The following CTTN variants were observed in gnomAD, a reference collection of about 807,000 sequenced individuals.
CTTN encodes the protein src substrate cortactin.
In CTTN, 28 loss-of-function variants were observed where a neutral mutation model predicts 84.0. That is an observed-to-expected ratio of 0.33 (90% CI 0.25 to 0.46). The LOEUF is 0.46. CTTN is among the 20% of genes least tolerant of loss of function. The pLI is 1.00. For missense variants in CTTN, 641 were observed against 723.8 expected (o/e 0.89, Z 1.31); for synonymous variants, 301 against 288.8 (o/e 1.04, Z -0.43).
intron 2 of CTTN, among the ~76,000 whole-genome samples, chr11:70,405,689 G>A (rs561147158): frequency 4.7e-4 from 70 of 150,408 alleles, no homozygotes; most frequent in Non-Finnish European, 7.7e-4. Flanking sequence ...TGCCCACCCC[G>A]CTCGCTGGTG....
At chr11:70,418,376 G>A (rs569573482) in intron 8 of CTTN, among the ~76,000 whole-genome samples, 17 of 152,244 alleles carry the variant, frequency 1.1e-4, no homozygotes, top group African/African-American at 3.9e-4. Flanking sequence ...TGTGAGCAGC[G>A]CATGCTCCGC....
rs1178217819 is a variant in CTTN, at chr11:70,421,773, C to T, written c.901+193C>T. 3 of 587,970 alleles carry T rather than the reference C, an allele frequency of 5.1e-6. No homozygotes were observed. In the South Asian group the frequency reaches 6.0e-5, roughly 12 times the overall value. 36.4% of individuals were successfully genotyped at this position (587,970 alleles called of 1,614,324 possible). On this transcript the variant is annotated intron_variant, in intron 11 of 17. Coordinates refer to ENST00000301843, the MANE Select transcript of CTTN (RefSeq NM_005231.4). ...CTGATTTTGAGTGGTTCACTTTCTT[C>T]CCTGTGAACTTGTGATCTGTGTATG... is the stretch of plus-strand genomic sequence containing the variant.
At position 70,420,506 on chromosome 11, in the gene CTTN, A is replaced by G. The variant is rs764876971; in HGVS notation, c.786A>G (p.Gln262=). ...HQEKLQLHES[Q]KDYKTGFGGK... is the part of the protein sequence containing the mutation. ...AGAAATTGCAGCTGCATGAATCCCA[A>G]AAAGGTACATTCACTCTGCCTGTAT... Residue 262 remains glutamine (Q), a synonymous_variant, in exon 10 of 18, where the codon CAA becomes CAG. Transcript: ENST00000301843. The G allele has an allele frequency of 2.2e-5, 35 of 1,611,022 alleles. No homozygotes were observed. In the Admixed American group the frequency reaches 4.0e-4, roughly 18 times the overall value.
intron 1 of CTTN, among the ~76,000 whole-genome samples, chr11:70,404,108 T>C (rs978391745): frequency 6.6e-6 from 1 of 152,166 alleles, no homozygotes; most frequent in Non-Finnish European, 1.5e-5. Flanking sequence ...GTAACCAGAA[T>C]GTAGCAAGCA....
chr11:70,430,456 C>T (rs1257216535), intron 14 of CTTN, among the ~76,000 whole-genome samples: 1 of 152,156 alleles, frequency 6.6e-6, no homozygotes, highest in Non-Finnish European at 1.5e-5. Context: ...TTCCCATCTC[C>T]AGCCTCTGCT....
At chr11:70,431,436 G>A (rs185402524) in intron 15 of CTTN, among the ~76,000 whole-genome samples, 156 bp downstream of exon 15, 10 of 152,146 alleles carry the variant, frequency 6.6e-5, no homozygotes, top group Non-Finnish European at 1.3e-4. Context: ...GGCCAGGAGC[G>A]CCTGGGGGGT....
chr11:70,431,306 G>T (rs779415103), intron 15 of CTTN, 26 bp downstream of exon 15: 1 of 1,609,068 alleles, frequency 6.2e-7, no homozygotes, highest in Non-Finnish European at 8.5e-7. Context: ...GTTTGAATGA[G>T]CGTGAGTGAC....
At chr11:70,412,109 G>C (rs2058102396) in intron 5 of CTTN, among the ~76,000 whole-genome samples, 1 of 152,176 alleles carries the variant, frequency 6.6e-6, no homozygotes, top group Non-Finnish European at 1.5e-5. Flanking sequence ...GCTCAGGTCA[G>C]CACCATGGGA....
In CTTN at chr11:70,436,148, C is replaced by A. The variant is rs994082978; in HGVS notation, c.*986C>A. The A allele has an allele frequency of 6.9e-7, 1 of 1,449,436 alleles. No individual in the cohort carries two copies. The highest frequency in any genetic ancestry group is 1.4e-5 in the African/African-American group (1 of 70,230). 89.8% of individuals were successfully genotyped at this position (1,449,436 alleles called of 1,614,324 possible). A position where few individuals can be genotyped will look rare whatever the true frequency, so the allele number is the denominator to read the frequency against. ...GGGTGTAGTATTTTTGCCAAAATAT[C>A]ATGTTCAATTTCAGTAGTTTGATCA... On this transcript the variant is annotated 3_prime_UTR_variant, in exon 18 of 18. Transcript: ENST00000301843.
At chr11:70,405,105 T>C (rs1449559879) in intron 1 of CTTN, among the ~76,000 whole-genome samples, 160 bp from the exon 2 acceptor site, 3 of 152,246 alleles carry the variant, frequency 2.0e-5, no homozygotes, top group Non-Finnish European at 2.9e-5. Context: ...ATTAGTAAAA[T>C]GCAAGTCTTC....
chr11:70,422,357 G>C (rs1297336648), intron 11 of CTTN: 4 of 474,040 alleles, frequency 8.4e-6, no homozygotes, highest in Non-Finnish European at 1.5e-5. Flanking sequence ...AGACACACCT[G>C]GGGTGGTCCC....
At chr11:70,417,628 C>T (rs1052680656) in intron 8 of CTTN, among the ~76,000 whole-genome samples, 2 of 152,050 alleles carry the variant, frequency 1.3e-5, no homozygotes, top group Non-Finnish European at 2.9e-5. Context: ...CCCGGCTAGC[C>T]GGGATTACAA....
At position 70,420,386 on chromosome 11, in the gene CTTN, C is replaced by G; in HGVS notation, c.680-14C>G. Reference sequence around the variant, plus strand: ...CTGTTAATGATGGGTTCTGGCCTTTCATTGTGCATGTAGACTATGTGAAAG... The same window carrying G: ...CTGTTAATGATGGGTTCTGGCCTTTGATTGTGCATGTAGACTATGTGAAAG... On this transcript the variant is annotated splice_polypyrimidine_tract_variant and intron_variant, in intron 9 of 17. Transcript: ENST00000301843. 2 of 1,587,670 alleles carry G rather than the reference C, an allele frequency of 1.3e-6. No individual in the cohort carries two copies. Among genetic ancestry groups the G allele is most frequent in the Non-Finnish European group, 1.7e-6 (2 of 1,155,716 alleles).
chr11:70,415,069 G>A (rs1023083619), intron 6 of CTTN, among the ~76,000 whole-genome samples: 23 of 152,168 alleles, frequency 1.5e-4, no homozygotes, highest in Non-Finnish European at 3.1e-4. Flanking sequence ...CTAGGCCCGA[G>A]CCTCTTTGAT....
chr11:70,405,823 C>T (rs145900682), intron 2 of CTTN, among the ~76,000 whole-genome samples: 41 of 152,316 alleles, frequency 2.7e-4, no homozygotes, highest in African/African-American at 9.9e-4. Flanking sequence ...AAGGTGGCCT[C>T]GCCAGCCCTG....
At chr11:70,402,908 C>A (rs2058003154) in intron 1 of CTTN, among the ~76,000 whole-genome samples, 1 of 152,174 alleles carries the variant, frequency 6.6e-6, no homozygotes, top group Non-Finnish European at 1.5e-5. Context: ...CAGACCTTTT[C>A]CATTTAACAT....
At position 70,435,716 on chromosome 11, in the gene CTTN, T is replaced by A; in HGVS notation, c.*554T>A. ...CCATGTCAGATGGGAAATCTGCCTA[T>A]GTCATACCGTGACAGCCCGCAGGAT... On this transcript the variant is annotated 3_prime_UTR_variant, in exon 18 of 18. Transcript: ENST00000301843. 6.3e-7 allele frequency: 1 copy of A among 1,598,034 alleles called. No individual in the cohort carries two copies. The highest frequency in any genetic ancestry group is 8.5e-7 in the Non-Finnish European group (1 of 1,179,690).
intron 1 of CTTN, among the ~76,000 whole-genome samples, chr11:70,399,960 C>A (rs2057957371): frequency 6.6e-6 from 1 of 152,206 alleles, no homozygotes; most frequent in Non-Finnish European, 1.5e-5. Flanking sequence ...TCTCCATTCA[C>A]GTGTTTGACC....
chr11:70,425,785 A>T (rs1282289614), intron 13 of CTTN, among the ~76,000 whole-genome samples: 1 of 152,208 alleles, frequency 6.6e-6, no homozygotes, highest in Non-Finnish European at 1.5e-5. Context: ...CATGACGTCG[A>T]TGTGCAGGCG....
Sources: allele counts gnomAD v4.1 joint callset (sites outside exome capture counted in the v4.1 genomes callset), GRCh38; gene constraint gnomAD v4.1.1; transcripts MANE v1.5; gene names NCBI Gene and HGNC (gene_info 2026-07-23, HGNC 2026-07-21).